SAMD3: variants seen among roughly 807,000 people sequenced by gnomAD.
SAMD3 encodes the protein sterile alpha motif domain-containing protein 3.
A neutral mutation model predicts 58.5 loss-of-function variants in SAMD3; 63 were observed. The observed-to-expected ratio is 1.08, with a 90% confidence interval of 0.88 to 1.33. The LOEUF (loss-of-function observed/expected upper bound fraction) is 1.33. SAMD3 is among the 40% of genes most tolerant of loss of function. SAMD3 has a pLI of 0.00. For synonymous variants in SAMD3, 220 were observed against 210.3 expected, an observed-to-expected ratio of 1.05 and a Z score of -0.40; for missense variants, 604 against 608.4, an observed-to-expected ratio of 0.99 and a Z score of 0.08.
At chr6:130,244,751 AAATAAAAAT>A (rs1773484053) in intron 2 of SAMD3, among the ~76,000 whole-genome samples, 1 of 145,172 alleles carries the variant, frequency 6.9e-6, no homozygotes. Flanking sequence ...AAAAAAATAA[AAATAAAAAT>A]AAAAATAAAA....
At chr6:130,360,007 C>G (rs1777938554) in intron 1 of SAMD3, among the ~76,000 whole-genome samples, 1 of 152,286 alleles carries the variant, frequency 6.6e-6, no homozygotes, top group East Asian at 1.9e-4. Flanking sequence ...TTAAGCTGGG[C>G]ACTTGTGTTC....
intron 2 of SAMD3, among the ~76,000 whole-genome samples, chr6:130,242,617 G>A (rs6931294): frequency 0.031 from 4,657 of 152,274 alleles, 237 homozygotes; most frequent in African/African-American, 0.11. Flanking sequence ...GGAATAAGAA[G>A]GAAGTGGCCA....
chr6:130,343,231 C>T (rs1777325764), intron 1 of SAMD3, among the ~76,000 whole-genome samples: 3 of 151,688 alleles, frequency 2.0e-5, no homozygotes, highest in African/African-American at 7.3e-5. Context: ...CCTGAGGTCC[C>T]CTGAGTCAAC....
chr6:130,195,660 A>G (rs1794036493), intron 5 of SAMD3, among the ~76,000 whole-genome samples: 1 of 152,028 alleles, frequency 6.6e-6, no homozygotes, highest in South Asian at 2.1e-4. Flanking sequence ...ACTGACCCTG[A>G]CACCCATCAG....
intron 2 of SAMD3, among the ~76,000 whole-genome samples, chr6:130,244,809 A>G (rs1187768655): frequency 2.0e-5 from 3 of 152,140 alleles, no homozygotes; most frequent in Non-Finnish European, 2.9e-5. Flanking sequence ...TGCAGATGCC[A>G]TAGGGTTGCT....
At chr6:130,198,417 C>A (rs887262747) in intron 5 of SAMD3, among the ~76,000 whole-genome samples, 1 of 152,140 alleles carries the variant, frequency 6.6e-6, no homozygotes, top group East Asian at 1.9e-4. Context: ...CTATGTTGCC[C>A]AGGCTGGTCT....
chr6:130,162,213 T>G, intron 8 of SAMD3: 1 of 700,024 alleles, frequency 1.4e-6, no homozygotes, highest in East Asian at 2.7e-5. Context: ...TAACCTAAGC[T>G]CTCACAGAGT....
intron 1 of SAMD3, among the ~76,000 whole-genome samples, chr6:130,328,204 G>A (rs951317742): frequency 9.2e-5 from 14 of 152,134 alleles, no homozygotes; most frequent in African/African-American, 2.4e-4. Context: ...TAAGCCTATC[G>A]TGTGTTGGGA....
At chr6:130,354,735 T>C (rs1221338420) in intron 1 of SAMD3, among the ~76,000 whole-genome samples, 2 of 152,064 alleles carry the variant, frequency 1.3e-5, no homozygotes, top group East Asian at 1.9e-4. Flanking sequence ...AAATAATCTG[T>C]CAACAACCCT....
rs558566013 is a variant in SAMD3, at chr6:130,266,868, T to TC, written c.-187-44056_-187-44055insG. 7.2e-5 allele frequency among the ~76,000 whole-genome samples: 11 copies of TC among 152,260 alleles called. No individual in the cohort carries two copies. The South Asian group carries it at 2.1e-3, about 29-fold the overall frequency. ...GATGATGAATGGCCTCCTGAGAGAA[T>TC]TATACGATATTATAGGCCTGCCACT... On this transcript the variant is annotated intron_variant, in intron 2 of 13. Transcript: ENST00000368134.
At chr6:130,157,901 C>T (rs1250429343) in intron 8 of SAMD3, among the ~76,000 whole-genome samples, 1 of 151,200 alleles carries the variant, frequency 6.6e-6, no homozygotes, top group Non-Finnish European at 1.5e-5. Flanking sequence ...AATATTCTAA[C>T]ATACGCTAAC....
chr6:130,231,747 G>A (rs980009177), intron 2 of SAMD3, among the ~76,000 whole-genome samples: 1 of 152,074 alleles, frequency 6.6e-6, no homozygotes, highest in Non-Finnish European at 1.5e-5. Flanking sequence ...CTCATAGGTA[G>A]TTCAAGGATT....
At chr6:130,360,287 G>A (rs1291455167) in intron 1 of SAMD3, among the ~76,000 whole-genome samples, 1 of 152,212 alleles carries the variant, frequency 6.6e-6, no homozygotes, top group East Asian at 1.9e-4. Flanking sequence ...AAAGAAATGT[G>A]TGAAAGTATC....
chr6:130,183,408 G>C lies in SAMD3; in HGVS notation c.654+695C>G, dbSNP rs142270342. On this transcript the variant is annotated intron_variant, in intron 7 of 11. Coordinates refer to ENST00000439090, the MANE Select transcript of SAMD3 (RefSeq NM_001017373.4). ...CATCCTGAGGGTCTGTTTTTATCAG[G>C]ACAGAAAGCAGAGATCTGACAGGGC... 707 of 453,930 alleles carry C rather than the reference G, an allele frequency of 1.6e-3. 6 individuals carry two copies. The highest frequency in any genetic ancestry group is 0.013 in the African/African-American group (628 of 49,734). The allele number at this position is 453,930 out of a possible 1,614,324, so 28.1% of individuals were successfully genotyped here.
At chr6:130,231,121 G>A (rs12192791) in intron 2 of SAMD3, among the ~76,000 whole-genome samples, 53,399 of 151,954 alleles carry the variant, frequency 0.35, 9,869 homozygotes, top group East Asian at 0.47. Flanking sequence ...AAAATGTGGA[G>A]AATATACAAG....
intron 2 of SAMD3, among the ~76,000 whole-genome samples, chr6:130,239,520 T>C (rs1165005698): frequency 6.6e-6 from 1 of 152,164 alleles, no homozygotes; most frequent in Non-Finnish European, 1.5e-5. Flanking sequence ...TCTATAAATA[T>C]AGATTTATAG....
Position 130,184,089 on chromosome 6 carries a change from A to G in SAMD3, c.654+14T>C. 2.5e-6 allele frequency: 4 copies of G among 1,604,778 alleles called. No individual in the cohort carries two copies. Among genetic ancestry groups the G allele is most frequent in the Non-Finnish European group, 3.4e-6 (4 of 1,171,556 alleles). On this transcript the variant is annotated intron_variant, in intron 7 of 11. Coordinates refer to ENST00000439090, the MANE Select transcript of SAMD3 (RefSeq NM_001017373.4). ...AGTCTGAAATTAACAGGATGGTGCC[A>G]TGTGGTCACTTACGAAGCCACAGCC... is the stretch of plus-strand genomic sequence containing the variant.
At chr6:130,183,189 C>T in intron 7 of SAMD3, 2 of 355,048 alleles carry the variant, frequency 5.6e-6, no homozygotes, top group Non-Finnish European at 1.1e-5. Context: ...CAAATTAATT[C>T]AATCTGAATC....
intron 2 of SAMD3, among the ~76,000 whole-genome samples, chr6:130,266,324 C>T (rs1774355090): frequency 6.6e-6 from 1 of 152,154 alleles, no homozygotes; most frequent in Admixed American, 6.5e-5. Flanking sequence ...TGTGGAGGAA[C>T]TGTAATAGGA....
Sources: allele counts gnomAD v4.1 joint callset (sites outside exome capture counted in the v4.1 genomes callset), GRCh38; gene constraint gnomAD v4.1.1; transcripts MANE v1.5; gene names NCBI Gene and HGNC (gene_info 2026-07-23, HGNC 2026-07-21).